The following ARID1B variants were observed in gnomAD, a reference collection of about 807,000 sequenced individuals.
The protein encoded by ARID1B is AT-rich interaction domain 1B, also known as AT-rich interactive domain-containing protein 1B.
Under a neutral mutation model 212.3 loss-of-function variants are expected in ARID1B, and 30 were observed. That is an observed-to-expected ratio of 0.14 (90% CI 0.11 to 0.19). The LOEUF is 0.19. Ranked by LOEUF, ARID1B falls within the 10% of genes least tolerant of loss-of-function variation. The pLI is 1.00. For missense variants in ARID1B, 2,891 were observed against 3,204.0 expected (o/e 0.90, Z 2.36); for synonymous variants, 1,402 against 1,301.7 (o/e 1.08, Z -1.66).
chr6:157,123,973 TCGCAGTGGCTGTGGAGATGGA>T (rs1212064114), intron 6 of ARID1B, among the ~76,000 whole-genome samples: 4 of 152,230 alleles, frequency 2.6e-5, no homozygotes, highest in Non-Finnish European at 4.4e-5. Context: ...CCTCACAGCT[TCGCAGTGGCTGTGGAGATGGA>T]CAGGGTGGAT....
In ARID1B at chr6:156,897,261, C is replaced by CTTATTATTATTATTATTATTATTA. The variant is rs1299353702; in HGVS notation, c.1987-4113_1987-4112insATTATTATTATTATTATTATTATT. Among the ~76,000 whole-genome samples, 290 of 92,590 alleles carry CTTATTATTATTATTATTATTATTA rather than the reference C, an allele frequency of 3.1e-3. 2 individuals are homozygous for CTTATTATTATTATTATTATTATTA. Among genetic ancestry groups the CTTATTATTATTATTATTATTATTA allele is most frequent in the Non-Finnish European group, 5.1e-3 (214 of 41,616 alleles). 60.7% of individuals were successfully genotyped at this position (92,590 alleles called of 152,430 possible). On this transcript the variant is annotated intron_variant, in intron 2 of 19. Coordinates refer to ENST00000636930, the MANE Select transcript of ARID1B (RefSeq NM_001374828.1). ...TCTTCTTCTTCTTCTTCTTCTTCTT[C>CTTATTATTATTATTATTATTATTA]TTCTTATTATTATTATTATTATTAT...
chr6:156,875,727 G>T (rs1221286932), intron 2 of ARID1B, among the ~76,000 whole-genome samples: 1 of 152,210 alleles, frequency 6.6e-6, no homozygotes, highest in Non-Finnish European at 1.5e-5. Flanking sequence ...CGCGTATTAA[G>T]TATGTTTTCT....
chr6:157,173,761 T>C, intron 9 of ARID1B: 1 of 364,062 alleles, frequency 2.7e-6, no homozygotes, highest in East Asian at 4.4e-5. Context: ...AAGTTGACCT[T>C]CATAGGTTTG....
rs982346902 is a variant in ARID1B, at chr6:157,158,760, G to T, written c.3090-8280G>T. Among the ~76,000 whole-genome samples the T allele has an allele frequency of 2.6e-5, 4 of 152,226 alleles. No homozygotes were observed. The South Asian group carries it at 8.3e-4, about 31-fold the overall frequency. Reference sequence around the variant, plus strand: ...GAAGGGATGTCCTGGAATAAAGGATGTGGCTATTCCTAGCACTGAGAAGTA... The same window carrying T: ...GAAGGGATGTCCTGGAATAAAGGATTTGGCTATTCCTAGCACTGAGAAGTA... On this transcript the variant is annotated intron_variant, in intron 8 of 19. Transcript: ENST00000636930.
chr6:156,889,198 A>G (rs917317224), intron 2 of ARID1B, among the ~76,000 whole-genome samples: 3 of 152,210 alleles, frequency 2.0e-5, no homozygotes, highest in East Asian at 1.9e-4. Context: ...GAAATATGCT[A>G]TTTTTTAAGC....
chr6:156,792,890 C>T (rs1230869543), intron 1 of ARID1B, among the ~76,000 whole-genome samples: 3 of 151,512 alleles, frequency 2.0e-5, no homozygotes, highest in South Asian at 4.2e-4. Flanking sequence ...TTAATGGATA[C>T]GATAGACTAT....
intron 4 of ARID1B, 32 bp from the exon 5 acceptor site, chr6:157,084,630 T>C (rs746628662): frequency 1.9e-6 from 3 of 1,602,520 alleles, no homozygotes; most frequent in Non-Finnish European, 2.6e-6. Context: ...TCCAAACGTG[T>C]CACTCTATAA....
chr6:156,946,382 A>G (rs973292673), intron 4 of ARID1B, among the ~76,000 whole-genome samples: 1 of 151,816 alleles, frequency 6.6e-6, no homozygotes, highest in Non-Finnish European at 1.5e-5. Context: ...AAAAAATAAA[A>G]AATAAATAAT....
chr6:157,026,204 C>G (rs911290925), intron 4 of ARID1B, among the ~76,000 whole-genome samples: 1 of 152,202 alleles, frequency 6.6e-6, no homozygotes, highest in African/African-American at 2.4e-5. Flanking sequence ...TGAGCCACTG[C>G]GCCAGGCCTA....
At position 156,823,521 on chromosome 6, in the gene ARID1B, G is replaced by T. The variant is rs572622953; in HGVS notation, c.1792-5706G>T. The stretch of plus-strand genomic sequence containing the variant: ...CTGCCCTGTTTGAGCGAGAGAAATA[G>T]AACAGATTTCAAAAGTTTTCTTTAG... On this transcript the variant is annotated intron_variant, in intron 1 of 19. Coordinates refer to ENST00000636930, the MANE Select transcript of ARID1B (RefSeq NM_001374828.1). 1.4e-4 allele frequency among the ~76,000 whole-genome samples: 22 copies of T among 152,250 alleles called. 1 individual carries two copies. The highest frequency in any genetic ancestry group is 5.1e-4 in the African/African-American group (21 of 41,556).
chr6:156,896,776 G>T (rs1477932380), intron 2 of ARID1B, among the ~76,000 whole-genome samples: 1 of 152,096 alleles, frequency 6.6e-6, no homozygotes, highest in Non-Finnish European at 1.5e-5. Context: ...CTACTCGGGA[G>T]GCTGAAGCAG....
At chr6:157,091,151 T>C (rs1583290804) in intron 5 of ARID1B, among the ~76,000 whole-genome samples, 1 of 152,318 alleles carries the variant, frequency 6.6e-6, no homozygotes, top group East Asian at 1.9e-4. Flanking sequence ...AATTCCTTTA[T>C]AGTGGAGCCT....
chr6:156,947,143 T>A (rs1793212480), intron 4 of ARID1B, among the ~76,000 whole-genome samples: 1 of 152,188 alleles, frequency 6.6e-6, no homozygotes, highest in Non-Finnish European at 1.5e-5. Flanking sequence ...AAATTGAAAC[T>A]CTGTAGTTCA....
Position 156,778,031 on chromosome 6 carries a change from GTCCTCC to G in ARID1B, c.367_372del (p.Ser123_Ser124del), listed in dbSNP as rs770512547. Reference sequence around the variant, plus strand: ...AGGAGGGTGGAAGCGCCGCCGCGCTGTCCTCCTCCTCCTCCTCCTCCGCGGCGGCAG... The same window carrying G: ...AGGAGGGTGGAAGCGCCGCCGCGCTGTCCTCCTCCTCCTCCGCGGCGGCAG... On this transcript the variant is annotated inframe_deletion, in exon 1 of 20. Transcript: ENST00000636930. 25 of 1,532,364 alleles carry G rather than the reference GTCCTCC, an allele frequency of 1.6e-5. No homozygotes were observed. The highest frequency in any genetic ancestry group is 1.1e-4 in the African/African-American group (8 of 72,390). 94.9% of individuals were successfully genotyped at this position (1,532,364 alleles called of 1,614,324 possible). A position where few individuals can be genotyped will look rare whatever the true frequency, so the allele number is the denominator to read the frequency against.
intron 3 of ARID1B, among the ~76,000 whole-genome samples, chr6:156,928,848 T>G (rs1389916606): frequency 6.6e-6 from 1 of 152,206 alleles, no homozygotes; most frequent in Non-Finnish European, 1.5e-5. Context: ...AATTGATGTT[T>G]TAGAAGTGTT....
chr6:157,140,404 A>G (rs1789261491), intron 7 of ARID1B, among the ~76,000 whole-genome samples: 1 of 151,734 alleles, frequency 6.6e-6, no homozygotes, highest in Non-Finnish European at 1.5e-5. Flanking sequence ...CGGGAGGCGG[A>G]GGTTGCAGTG....
intron 4 of ARID1B, among the ~76,000 whole-genome samples, chr6:157,030,535 G>C (rs1390802803): frequency 2.6e-5 from 4 of 152,180 alleles, no homozygotes; most frequent in African/African-American, 9.7e-5. Context: ...GTTCATACCA[G>C]GTGTCCTCAT....
intron 2 of ARID1B, among the ~76,000 whole-genome samples, chr6:156,843,438 A>G (rs1248325029): frequency 2.6e-5 from 4 of 152,156 alleles, no homozygotes; most frequent in Non-Finnish European, 5.9e-5. Flanking sequence ...GTCATGGGGA[A>G]ATACCAAGAC....
chr6:157,162,488 T>C (rs1791009031), intron 8 of ARID1B, among the ~76,000 whole-genome samples: 1 of 152,226 alleles, frequency 6.6e-6, no homozygotes, highest in Non-Finnish European at 1.5e-5. Flanking sequence ...AAAAAGTTGT[T>C]GGGGTATGTA....
Sources: gnomAD v4.1 joint callset for allele counts (sites outside exome capture counted in the v4.1 genomes callset) on GRCh38, gnomAD v4.1.1 for gene constraint, MANE v1.5 for transcripts, NCBI Gene and HGNC (gene_info 2026-07-23, HGNC 2026-07-21) for gene names.